Variants in KLF12 observed in about 807,000 individuals in gnomAD.
KLF12 encodes KLF transcription factor 12, also known as Krueppel-like factor 12.
Under a neutral mutation model 37.8 loss-of-function variants are expected in KLF12, and 9 were observed. That is an observed-to-expected ratio of 0.24 (90% CI 0.14 to 0.42). The LOEUF (loss-of-function observed/expected upper bound fraction) is 0.42, where lower values mean the gene tolerates loss of function less well. Among genes scored for constraint, KLF12 ranks in the 10% least tolerant of loss-of-function variants. The probability of loss-of-function intolerance (pLI) is 1.00; values close to 1 mark genes in which losing one functional copy is unlikely to be tolerated. For synonymous variants in KLF12, 208 were observed against 202.1 expected, an observed-to-expected ratio of 1.03 and a Z score of -0.25; for missense variants, 411 against 516.0, an observed-to-expected ratio of 0.80 and a Z score of 1.97.
intron 3 of KLF12, among the ~76,000 whole-genome samples, chr13:73,877,608 T>A (rs1224952973): frequency 1.3e-5 from 2 of 152,218 alleles, no homozygotes; most frequent in Admixed American, 1.3e-4. Flanking sequence ...ACAGGTTGGC[T>A]GTCAGTCTAC....
intron 1 of KLF12, among the ~76,000 whole-genome samples, chr13:73,998,054 T>C (rs1892169056): frequency 6.6e-6 from 1 of 152,146 alleles, no homozygotes; most frequent in African/African-American, 2.4e-5. Context: ...TTTTTCTGTC[T>C]TGAAATTTCC....
At chr13:74,178,679 T>A in the KLF12 span, among the ~76,000 whole-genome samples, 3 of 152,218 alleles carry the variant, frequency 2.0e-5, no homozygotes, top group South Asian at 4.1e-4. Flanking sequence ...CATTTATGAA[T>A]AGGGACTAGT....
intron 7 of KLF12, among the ~76,000 whole-genome samples, chr13:73,696,209 T>C (rs1174452362): frequency 6.6e-6 from 1 of 152,152 alleles, no homozygotes; most frequent in Non-Finnish European, 1.5e-5. Flanking sequence ...ATTAAGTACA[T>C]ATTGTTCATA....
intron 4 of KLF12, among the ~76,000 whole-genome samples, chr13:73,819,517 T>C (rs1343788864): frequency 1.3e-5 from 2 of 152,212 alleles, no homozygotes; most frequent in African/African-American, 4.8e-5. Context: ...ACATCATTTA[T>C]GTATTTAGTC....
At chr13:73,843,421 C>T (rs1416386983) in intron 4 of KLF12, among the ~76,000 whole-genome samples, 1 of 152,060 alleles carries the variant, frequency 6.6e-6, no homozygotes, top group African/African-American at 2.4e-5. Flanking sequence ...GATTCTCCTG[C>T]CTCAGCCTCC....
the KLF12 span, among the ~76,000 whole-genome samples, chr13:74,191,728 C>T: frequency 6.6e-5 from 10 of 152,224 alleles, no homozygotes; most frequent in African/African-American, 2.4e-4. Flanking sequence ...TTCCTTAGCA[C>T]CCTTGAAAAC....
At chr13:74,143,987 A>T in the KLF12 span, among the ~76,000 whole-genome samples, 1 of 152,178 alleles carries the variant, frequency 6.6e-6, no homozygotes, top group Non-Finnish European at 1.5e-5. Context: ...GTGAGTTGAG[A>T]AGTATCTGTA....
chr13:73,780,430 C>A (rs1201483212), intron 5 of KLF12, among the ~76,000 whole-genome samples: 1 of 151,610 alleles, frequency 6.6e-6, no homozygotes, highest in Non-Finnish European at 1.5e-5. Flanking sequence ...TTATATCATT[C>A]TTATGCCTTT....
intron 3 of KLF12, among the ~76,000 whole-genome samples, chr13:73,906,114 T>C (rs1325279497): frequency 6.6e-6 from 1 of 152,200 alleles, no homozygotes. Flanking sequence ...TCTTAGCTGA[T>C]GTCACCAACT....
chr13:73,766,868 G>C (rs1879950429), intron 5 of KLF12, among the ~76,000 whole-genome samples: 1 of 152,056 alleles, frequency 6.6e-6, no homozygotes, highest in South Asian at 2.1e-4. Flanking sequence ...CATTGTCTAG[G>C]TATTTGTATC....
intron 1 of KLF12, among the ~76,000 whole-genome samples, chr13:74,073,103 C>T (rs903606933): frequency 9.9e-5 from 15 of 152,214 alleles, no homozygotes; most frequent in African/African-American, 2.7e-4. Flanking sequence ...GTCTTTGCTC[C>T]TCCTTTGCCT....
chr13:73,808,334 T>C (rs1314540728), intron 5 of KLF12, among the ~76,000 whole-genome samples: 1 of 152,134 alleles, frequency 6.6e-6, no homozygotes, highest in Admixed American at 6.5e-5. Context: ...GTGGGTCTCT[T>C]GGTGGCTGCT....
chr13:74,152,358 A>G, the KLF12 span, among the ~76,000 whole-genome samples: 1 of 152,136 alleles, frequency 6.6e-6, no homozygotes, highest in African/African-American at 2.4e-5. Context: ...GAACTCAGTA[A>G]GTTTTTCTAG....
chr13:73,753,511 C>T (rs1233667641), intron 6 of KLF12, among the ~76,000 whole-genome samples: 2 of 152,158 alleles, frequency 1.3e-5, no homozygotes, highest in East Asian at 1.9e-4. Context: ...TGCTCCACTA[C>T]ATGGTAAGAA....
the KLF12 span, among the ~76,000 whole-genome samples, chr13:74,143,396 A>G: frequency 7.8e-3 from 390 of 50,004 alleles, 5 homozygotes; most frequent in Admixed American, 0.071. Flanking sequence ...AAGAAATGTT[A>G]CTGTAGAGCA....
rs1881620451 is a variant in KLF12 at position 73,790,435 on chromosome 13, TA to T, written c.806+22716del. Among the ~76,000 whole-genome samples the T allele has an allele frequency of 2.0e-5, 3 of 152,308 alleles. No individual in the cohort carries two copies. In the South Asian group the frequency reaches 6.2e-4, roughly 32 times the overall value. ...TATAATTTTATTTTTGTGCTTCCTT[TA>T]AAAAAATTGTACTGTTTGGTGATTA... On this transcript the variant is annotated intron_variant, in intron 5 of 7. Transcript: ENST00000377669.
At chr13:73,739,409 G>A (rs1877788178) in intron 6 of KLF12, among the ~76,000 whole-genome samples, 1 of 152,016 alleles carries the variant, frequency 6.6e-6, no homozygotes, top group African/African-American at 2.4e-5. Flanking sequence ...ATTCTGGGCT[G>A]GGAATATATT....
At chr13:73,817,703 C>T (rs1402255827) in intron 4 of KLF12, among the ~76,000 whole-genome samples, 1 of 152,198 alleles carries the variant, frequency 6.6e-6, no homozygotes, top group African/African-American at 2.4e-5. Context: ...ACTGTTGAAA[C>T]CAGATTCAAT....
chr13:74,252,609 T>G, the KLF12 span, among the ~76,000 whole-genome samples: 1 of 152,232 alleles, frequency 6.6e-6, no homozygotes, highest in African/African-American at 2.4e-5. Flanking sequence ...GATTTAACCA[T>G]TACTTTCTAT....
Sources: allele counts gnomAD v4.1 joint callset (sites outside exome capture counted in the v4.1 genomes callset), GRCh38; gene constraint gnomAD v4.1.1; transcripts MANE v1.5; gene names NCBI Gene and HGNC (gene_info 2026-07-23, HGNC 2026-07-21).